IL7: variants seen among roughly 807,000 people sequenced by gnomAD.
The protein encoded by IL7 is interleukin 7.
A neutral mutation model predicts 21.6 loss-of-function variants in IL7; 3 were observed. That is an observed-to-expected ratio of 0.14 (90% CI 0.06 to 0.36). IL7 has a LOEUF of 0.36. Ranked by LOEUF, IL7 falls within the 10% of genes least tolerant of loss-of-function variation. The pLI is 1.00. For missense variants in IL7, 175 were observed against 200.2 expected (o/e 0.87, Z 0.76); for synonymous variants, 62 against 68.1 (o/e 0.91, Z 0.44).
intron 1 of IL7, among the ~76,000 whole-genome samples, chr8:78,799,686 T>G (rs1258350859): frequency 6.6e-6 from 1 of 152,086 alleles, no homozygotes; most frequent in Non-Finnish European, 1.5e-5. Flanking sequence ...CAAAAAGTTC[T>G]GCAAGTTAGT....
At chr8:78,710,049 A>G (rs1288419844) in intron 3 of IL7, among the ~76,000 whole-genome samples, 1 of 152,158 alleles carries the variant, frequency 6.6e-6, no homozygotes, top group East Asian at 1.9e-4. Context: ...GACTTTTCCT[A>G]TGTTAAAGTT....
At chr8:78,678,635 G>A (rs1257552994) in intron 4 of IL7, 31 of 1,612,362 alleles carry the variant, frequency 1.9e-5, no homozygotes, top group Middle Eastern at 1.6e-4. Context: ...CAGACAGAGA[G>A]CTGAAGGAAC....
intron 2 of IL7, among the ~76,000 whole-genome samples, chr8:78,793,627 A>T (rs1813765474): frequency 6.6e-6 from 1 of 152,140 alleles, no homozygotes; most frequent in Admixed American, 6.5e-5. Flanking sequence ...GTGGATGCTG[A>T]CTGATCAGAG....
At chr8:78,761,972 A>G (rs1247512706) in intron 2 of IL7, 17 of 1,608,594 alleles carry the variant, frequency 1.1e-5, no homozygotes, top group Non-Finnish European at 1.4e-5. Flanking sequence ...TAGAGGTAAA[A>G]TGTCCTCATC....
chr8:78,675,700 C>T (rs1809556552), downstream of IL7: 2 of 1,208,462 alleles, frequency 1.7e-6, no homozygotes, highest in Non-Finnish European at 2.3e-6. Context: ...TGATAATTTA[C>T]CTATAAAACT....
intron 2 of IL7, chr8:78,761,277 T>A: frequency 1.2e-6 from 2 of 1,608,982 alleles, no homozygotes; most frequent in Non-Finnish European, 1.7e-6. Context: ...ACTTCCTCGA[T>A]TGTTCCTAAT....
At chr8:78,723,263 A>G (rs912248976) in intron 3 of IL7, among the ~76,000 whole-genome samples, 3 of 151,526 alleles carry the variant, frequency 2.0e-5, no homozygotes, top group African/African-American at 7.3e-5. Context: ...ATGTTTGTCG[A>G]CTCTTTTATT....
chr8:78,731,106 C>T (rs764212029), downstream of IL7, among the ~76,000 whole-genome samples: 3 of 151,946 alleles, frequency 2.0e-5, no homozygotes, highest in African/African-American at 7.2e-5. Context: ...GTAGGGTTAA[C>T]AAAATGTCCT....
intron 2 of IL7, among the ~76,000 whole-genome samples, chr8:78,793,649 G>T (rs1813766281): frequency 6.6e-6 from 1 of 152,146 alleles, no homozygotes; most frequent in Non-Finnish European, 1.5e-5. Context: ...GGTGGTTGCT[G>T]AAGGTTGGGT....
intron 3 of IL7, chr8:78,697,504 T>C (rs1447050682): frequency 6.2e-7 from 1 of 1,601,920 alleles, no homozygotes; most frequent in South Asian, 1.1e-5. Context: ...AAAACTGTTG[T>C]AGGTAATGAT....
chr8:78,725,105 G>A (rs1174164246), intron 3 of IL7, among the ~76,000 whole-genome samples: 4 of 152,006 alleles, frequency 2.6e-5, no homozygotes, highest in Non-Finnish European at 5.9e-5. Flanking sequence ...CATCAAAATT[G>A]TAGCTAGAAT....
chr8:78,736,946 A>T (rs1811613772), intron 4 of IL7, among the ~76,000 whole-genome samples: 1 of 152,180 alleles, frequency 6.6e-6, no homozygotes, highest in Non-Finnish European at 1.5e-5. Flanking sequence ...AAACAATAGT[A>T]AAAAGCTTGT....
chr8:78,777,812 G>A (rs1265874847), intron 2 of IL7, among the ~76,000 whole-genome samples: 2 of 151,946 alleles, frequency 1.3e-5, no homozygotes, highest in African/African-American at 4.8e-5. Flanking sequence ...ATTTTATATG[G>A]CGCATATGAA....
chr8:78,722,990 GTAAAAA>G (rs1272048645), intron 3 of IL7, among the ~76,000 whole-genome samples: 1 of 150,572 alleles, frequency 6.6e-6, no homozygotes, highest in Non-Finnish European at 1.5e-5. Context: ...CAAAAAAACT[GTAAAAA>G]TAATAACCAT....
chr8:78,709,017 A>C (rs1026191691), intron 3 of IL7, among the ~76,000 whole-genome samples: 2 of 152,214 alleles, frequency 1.3e-5, no homozygotes, highest in Admixed American at 1.3e-4. Flanking sequence ...AGTGAAACAC[A>C]GATCTTTTAA....
Position 78,805,072 on chromosome 8 carries a change from C to T in IL7, c.-150G>A, listed in dbSNP as rs1333941903. ...GATCTCTGCAGCTGGTTCCTCTTACCCACGCCGCGACTGCAGTTTCATCCA... is the reference window on the plus strand; with the variant it reads ...GATCTCTGCAGCTGGTTCCTCTTACTCACGCCGCGACTGCAGTTTCATCCA... On this transcript the variant is annotated 5_prime_UTR_variant, in exon 1 of 6. The change creates a premature stop within an existing upstream ORF in the 5' untranslated region. Transcript: ENST00000263851. The T allele has an allele frequency of 1.1e-5, 8 of 759,748 alleles. No individual in the cohort carries two copies. In the East Asian group the frequency reaches 1.8e-4, roughly 17 times the overall value. 47.1% of individuals were successfully genotyped at this position (759,748 alleles called of 1,614,324 possible). A position where few individuals can be genotyped will look rare whatever the true frequency, so the allele number is the denominator to read the frequency against.
chr8:78,701,480 C>T (rs1244087985), intron 3 of IL7, among the ~76,000 whole-genome samples: 1 of 152,138 alleles, frequency 6.6e-6, no homozygotes, highest in Non-Finnish European at 1.5e-5. Context: ...TTGGATGCCC[C>T]TTTATTTCTT....
At chr8:78,683,403 C>A (rs758444837) in intron 4 of IL7, among the ~76,000 whole-genome samples, 2 of 152,216 alleles carry the variant, frequency 1.3e-5, no homozygotes, top group African/African-American at 4.8e-5. Context: ...TTTCTGTGCA[C>A]CTGTGGGCTC....
downstream of IL7, among the ~76,000 whole-genome samples, chr8:78,731,791 A>T (rs763947336): frequency 6.6e-6 from 1 of 152,060 alleles, no homozygotes; most frequent in Non-Finnish European, 1.5e-5. Flanking sequence ...CACACAGTAC[A>T]AGCTGAGTAC....
Sources: allele counts gnomAD v4.1 joint callset (sites outside exome capture counted in the v4.1 genomes callset), GRCh38; gene constraint gnomAD v4.1.1; transcripts MANE v1.5; gene names NCBI Gene and HGNC (gene_info 2026-07-23, HGNC 2026-07-21).